GALNT17: variants seen among roughly 807,000 people sequenced by gnomAD.
GALNT17 encodes polypeptide N-acetylgalactosaminyltransferase 17, also known as UDP-GalNAc:polypeptide N-acetylgalactosaminyltransferase-like 3.
Under a neutral mutation model 63.7 loss-of-function variants are expected in GALNT17, and 29 were observed. That is an observed-to-expected ratio of 0.46 (90% CI 0.34 to 0.62). The LOEUF (loss-of-function observed/expected upper bound fraction) is 0.62. Ranked by LOEUF, GALNT17 falls within the 20% of genes least tolerant of loss-of-function variation. The pLI is 0.01. For missense variants in GALNT17, 603 were observed against 799.6 expected, an observed-to-expected ratio of 0.75 and a Z score of 2.97; for synonymous variants, 305 against 318.3, an observed-to-expected ratio of 0.96 and a Z score of 0.45.
intron 1 of GALNT17, among the ~76,000 whole-genome samples, chr7:71,293,673 C>T (rs1791024375): frequency 6.6e-6 from 1 of 152,194 alleles, no homozygotes; most frequent in Non-Finnish European, 1.5e-5. Flanking sequence ...AGGACTTAAT[C>T]TCCCCAACAT....
chr7:71,150,425 G>T (rs968031592), intron 1 of GALNT17, among the ~76,000 whole-genome samples: 1 of 152,058 alleles, frequency 6.6e-6, no homozygotes, highest in Non-Finnish European at 1.5e-5. Flanking sequence ...AGAGGTAGAC[G>T]GAAGTGATGT....
At chr7:71,400,927 A>G (rs568019383) in intron 3 of GALNT17, among the ~76,000 whole-genome samples, 4 of 152,316 alleles carry the variant, frequency 2.6e-5, no homozygotes, top group East Asian at 3.9e-4. Flanking sequence ...TGGGAAGGCA[A>G]TGGACTTCAC....
At chr7:71,442,091 A>G (rs1369933201) in intron 5 of GALNT17, among the ~76,000 whole-genome samples, 2 of 152,196 alleles carry the variant, frequency 1.3e-5, no homozygotes, top group Admixed American at 6.5e-5. Context: ...ACTGATTTAC[A>G]GTCCCACCAA....
intron 1 of GALNT17, among the ~76,000 whole-genome samples, chr7:71,284,838 T>C (rs1452728721): frequency 6.6e-6 from 1 of 152,140 alleles, no homozygotes. Context: ...TTGGTGGAGA[T>C]GCTTTAAAAT....
chr7:71,391,461 G>A (rs1793049272), intron 3 of GALNT17, among the ~76,000 whole-genome samples: 1 of 152,132 alleles, frequency 6.6e-6, no homozygotes, highest in Admixed American at 6.5e-5. Flanking sequence ...TCCTGAGGCT[G>A]GGTGATTCAT....
chr7:71,501,039 A>T (rs996969185), intron 5 of GALNT17, among the ~76,000 whole-genome samples: 1 of 151,790 alleles, frequency 6.6e-6, no homozygotes, highest in Non-Finnish European at 1.5e-5. Flanking sequence ...GTGTGATCTT[A>T]GCTCACTGCA....
intron 5 of GALNT17, among the ~76,000 whole-genome samples, chr7:71,424,578 A>G (rs890277913): frequency 3.9e-5 from 6 of 152,260 alleles, no homozygotes; most frequent in Non-Finnish European, 5.9e-5. Flanking sequence ...ATCATGAGTC[A>G]TTAATGTGAC....
chr7:71,204,457 GA>G (rs769737061), intron 1 of GALNT17, among the ~76,000 whole-genome samples: 4 of 152,168 alleles, frequency 2.6e-5, no homozygotes, highest in Non-Finnish European at 5.9e-5. Context: ...ATTTGATAGG[GA>G]TTGCATTGAA....
At chr7:71,298,709 GGGGT>G (rs1791129656) in intron 1 of GALNT17, among the ~76,000 whole-genome samples, 3 of 21,478 alleles carry the variant, frequency 1.4e-4, no homozygotes. Context: ...TTATTCCAGT[GGGGT>G]GTGTGTGTGT....
At chr7:71,487,789 G>C (rs1241707142) in intron 5 of GALNT17, among the ~76,000 whole-genome samples, 1 of 152,138 alleles carries the variant, frequency 6.6e-6, no homozygotes, top group Non-Finnish European at 1.5e-5. Context: ...CAGGAAGTGA[G>C]AGAAGCCAGA....
intron 1 of GALNT17, among the ~76,000 whole-genome samples, chr7:71,286,999 G>A (rs961040045): frequency 2.0e-5 from 3 of 151,922 alleles, no homozygotes; most frequent in African/African-American, 7.3e-5. Flanking sequence ...TCCCCATGTT[G>A]CCCGGGCTAG....
intron 1 of GALNT17, among the ~76,000 whole-genome samples, chr7:71,148,858 T>TATA (rs1788075671): frequency 2.4e-4 from 22 of 91,910 alleles, no homozygotes; most frequent in African/African-American, 1.0e-3. Flanking sequence ...ATTATGGTAT[T>TATA]TTTATATATA....
At chr7:71,394,784 T>C (rs1276684919) in intron 3 of GALNT17, among the ~76,000 whole-genome samples, 2 of 152,068 alleles carry the variant, frequency 1.3e-5, no homozygotes, top group African/African-American at 4.8e-5. Flanking sequence ...TGAGATGTAA[T>C]TCACATACCA....
intron 5 of GALNT17, among the ~76,000 whole-genome samples, chr7:71,529,607 C>T (rs1788681285): frequency 6.6e-6 from 1 of 152,204 alleles, no homozygotes; most frequent in Admixed American, 6.5e-5. Context: ...CATTTGGTGG[C>T]AGTGAAATGT....
chr7:71,285,317 G>A (rs1790853730), intron 1 of GALNT17, among the ~76,000 whole-genome samples: 1 of 152,206 alleles, frequency 6.6e-6, no homozygotes, highest in South Asian at 2.1e-4. Context: ...CAGTATGGTT[G>A]GCTAATCCTT....
chr7:71,475,582 C>T (rs111423441), intron 5 of GALNT17, among the ~76,000 whole-genome samples: 5,756 of 152,220 alleles, frequency 0.038, 187 homozygotes, highest in African/African-American at 0.087. Flanking sequence ...GATGAAGCTT[C>T]GCTGGCTCGC....
At chr7:71,670,884 G>GTA (rs1791058864) in intron 8 of GALNT17, among the ~76,000 whole-genome samples, 1 of 71,966 alleles carries the variant, frequency 1.4e-5, no homozygotes, top group Non-Finnish European at 5.8e-5. Context: ...TCCGGACTGT[G>GTA]TGTGTGTGTG....
At chr7:71,502,536 C>G (rs1487297726) in intron 5 of GALNT17, among the ~76,000 whole-genome samples, 1 of 152,182 alleles carries the variant, frequency 6.6e-6, no homozygotes, top group African/African-American at 2.4e-5. Context: ...TCTTGGGAGC[C>G]TTGAGCCAAC....
At chr7:71,488,574 C>CTTTTTTTTT (rs965444360) in intron 5 of GALNT17, among the ~76,000 whole-genome samples, 1 of 100,664 alleles carries the variant, frequency 9.9e-6, no homozygotes, top group Admixed American at 1.2e-4. Flanking sequence ...ACTTGCCCTT[C>CTTTTTTTTT]TTTTTTTTTT....
Sources: gnomAD v4.1 joint callset for allele counts (sites outside exome capture counted in the v4.1 genomes callset) on GRCh38, gnomAD v4.1.1 for gene constraint, MANE v1.5 for transcripts, NCBI Gene and HGNC (gene_info 2026-07-23, HGNC 2026-07-21) for gene names.